The following LYST variants were observed in gnomAD, a reference collection of about 807,000 sequenced individuals.
The protein encoded by LYST is lysosomal-trafficking regulator.
LYST carries 192 observed loss-of-function variants against 413.6 expected under a neutral mutation model. The ratio of observed to expected loss-of-function variants is 0.46; its 90% CI spans 0.41 to 0.52. The LOEUF is 0.52. Ranked by LOEUF, LYST falls within the 20% of genes least tolerant of loss-of-function variation. The pLI, the probability that LYST is intolerant of heterozygous loss-of-function variation, is 0.00. For synonymous variants in LYST, 1,525 were observed against 1,567.3 expected, an observed-to-expected ratio of 0.97 and a Z score of 0.64; for missense variants, 3,815 against 4,499.9, an observed-to-expected ratio of 0.85 and a Z score of 4.35.
At chr1:235,861,204 TTA>T (rs1196334941) in intron 1 of LYST, among the ~76,000 whole-genome samples, 1 of 152,218 alleles carries the variant, frequency 6.6e-6, no homozygotes, top group African/African-American at 2.4e-5. Context: ...CTCATCCATT[TTA>T]TGTTTTAATT....
In LYST at chr1:235,781,716, G is replaced by C. The variant is rs566596979; in HGVS notation, c.5023+211C>G. On this transcript the variant is annotated intron_variant, in intron 15 of 52. Transcript: ENST00000389793. ...TAAGACACAACTAGATTACAAAAAC[G>C]TTAAAATATTTTAAAAGTATATCTT... Among the ~76,000 whole-genome samples, 4 of 151,746 alleles carry C rather than the reference G, an allele frequency of 2.6e-5. No homozygotes were observed. In the East Asian group the frequency reaches 7.7e-4, roughly 29 times the overall value.
At chr1:235,756,935 C>T (rs12069149) in intron 24 of LYST, among the ~76,000 whole-genome samples, 6,069 of 152,070 alleles carry the variant, frequency 0.04, 415 homozygotes, top group African/African-American at 0.14. Context: ...CAATGAACCA[C>T]GTATTCCTTG....
intron 20 of LYST, among the ~76,000 whole-genome samples, chr1:235,769,240 T>C (rs1173995716): frequency 2.6e-5 from 4 of 151,990 alleles, no homozygotes; most frequent in African/African-American, 9.7e-5. Flanking sequence ...ATGGGATCAA[T>C]AATTGTTAAA....
At chr1:235,743,800 G>A in intron 30 of LYST, among the ~76,000 whole-genome samples, 179 bp downstream of exon 30, 1 of 151,978 alleles carries the variant, frequency 6.6e-6, no homozygotes, top group East Asian at 1.9e-4. Flanking sequence ...GAGTCATTTT[G>A]GAAAGGTGAA....
chr1:235,676,175 T>A (rs904423363), intron 50 of LYST, among the ~76,000 whole-genome samples: 5 of 152,226 alleles, frequency 3.3e-5, no homozygotes, highest in African/African-American at 1.2e-4. Flanking sequence ...ATGTAATTTT[T>A]AAGGCAAACT....
intron 42 of LYST, chr1:235,712,451 A>T: frequency 2.8e-6 from 1 of 356,214 alleles, no homozygotes; most frequent in Non-Finnish European, 4.4e-6. Context: ...CTATTTGTTT[A>T]ATTTTCGTCT....
intron 1 of LYST, among the ~76,000 whole-genome samples, chr1:235,866,252 T>C (rs1680493650): frequency 6.6e-6 from 1 of 152,104 alleles, no homozygotes; most frequent in African/African-American, 2.4e-5. Flanking sequence ...GGGGATCCCC[T>C]GGAAAGAGAG....
At chr1:235,851,400 G>C (rs1285138871) in intron 1 of LYST, among the ~76,000 whole-genome samples, 2 of 151,118 alleles carry the variant, frequency 1.3e-5, no homozygotes, top group African/African-American at 4.9e-5. Context: ...GAGGACTTGG[G>C]GGGAAGAGTG....
chr1:235,830,070 A>G (rs1675779137), intron 3 of LYST, 156 bp downstream of exon 3: 1 of 613,830 alleles, frequency 1.6e-6, no homozygotes, highest in Non-Finnish European at 2.9e-6. Context: ...AATAAACAAT[A>G]TGGTTATAAA....
chr1:235,872,419 T>C (rs1680968389), intron 1 of LYST, among the ~76,000 whole-genome samples: 1 of 152,096 alleles, frequency 6.6e-6, no homozygotes, highest in Non-Finnish European at 1.5e-5. Context: ...GACAGCACTG[T>C]AGACATGTGA....
intron 14 of LYST, among the ~76,000 whole-genome samples, chr1:235,784,302 A>G (rs545298000): frequency 1.2e-4 from 18 of 152,338 alleles, no homozygotes; most frequent in African/African-American, 4.3e-4. Flanking sequence ...CTTGTGCCAA[A>G]TGGCAAACAA....
intron 50 of LYST, among the ~76,000 whole-genome samples, chr1:235,672,997 A>G (rs1659074051): frequency 1.3e-5 from 2 of 152,200 alleles, no homozygotes; most frequent in African/African-American, 4.8e-5. Flanking sequence ...CCCGGAGATC[A>G]CATCCTTATC....
At chr1:235,721,262 G>A (rs563375247) in intron 39 of LYST, among the ~76,000 whole-genome samples, 8 of 152,112 alleles carry the variant, frequency 5.3e-5, no homozygotes, top group Non-Finnish European at 8.8e-5. Context: ...GAAACAGCAC[G>A]GTCTTCTGAA....
At position 235,806,724 on chromosome 1, in the gene LYST, G is replaced by A. The variant is rs1031547596; in HGVS notation, c.2412C>T (p.Ile804=). The change falls in exon 6 of 53, where the codon ATC becomes ATT. Residue 804 remains isoleucine, a synonymous_variant. Transcript: ENST00000389793. ...GAATACCATTTAAGCAATTTAATTCGATTATTTGACTTACTCCATTACAAC... is the reference window on the plus strand; with the variant it reads ...GAATACCATTTAAGCAATTTAATTCAATTATTTGACTTACTCCATTACAAC... ...FLSCNGVSQI[I]ELNCLNGIRS... is the part of the protein sequence containing the mutation. 1.2e-6 allele frequency: 2 copies of A among 1,612,800 alleles called. No homozygotes were observed. Among genetic ancestry groups the A allele is most frequent in the Non-Finnish European group, 1.7e-6 (2 of 1,179,076 alleles).
intron 1 of LYST, among the ~76,000 whole-genome samples, chr1:235,847,600 C>G: frequency 6.6e-6 from 1 of 152,154 alleles, no homozygotes; most frequent in African/African-American, 2.4e-5. Context: ...TTAAAAGATA[C>G]AGAACCACAG....
At chr1:235,816,128 CAAAAAAAAAAAAAAAAAAAA>C (rs59556548) in intron 3 of LYST, among the ~76,000 whole-genome samples, 2 of 11,794 alleles carry the variant, frequency 1.7e-4, no homozygotes, top group African/African-American at 4.9e-4. Context: ...GACTCCATCT[CAAAAAAAAAAAAAAAAAAAA>C]AAAAAAAAAA....
chr1:235,768,330 T>G (rs2103406311), intron 20 of LYST, among the ~76,000 whole-genome samples: 1 of 152,162 alleles, frequency 6.6e-6, no homozygotes, highest in East Asian at 1.9e-4. Flanking sequence ...CTCTCCCATA[T>G]TTGCTCCCTA....
chr1:235,783,776 T>C (rs1177990929), intron 14 of LYST, among the ~76,000 whole-genome samples: 2 of 152,240 alleles, frequency 1.3e-5, no homozygotes, highest in Non-Finnish European at 2.9e-5. Context: ...TTCTGCCATA[T>C]TTGTAAGCTG....
intron 36 of LYST, among the ~76,000 whole-genome samples, chr1:235,730,243 A>T (rs1192446074): frequency 1.3e-5 from 2 of 152,030 alleles, no homozygotes. Flanking sequence ...TGCAATGATA[A>T]TACTATCAAT....
Sources: gnomAD v4.1 joint callset for allele counts (sites outside exome capture counted in the v4.1 genomes callset) on GRCh38, gnomAD v4.1.1 for gene constraint, MANE v1.5 for transcripts, NCBI Gene and HGNC (gene_info 2026-07-23, HGNC 2026-07-21) for gene names.